The following IMPG2 variants were observed in gnomAD, a reference collection of about 807,000 sequenced individuals.
The protein encoded by IMPG2 is interphotoreceptor matrix proteoglycan 2.
Under a neutral mutation model 129.2 loss-of-function variants are expected in IMPG2, and 91 were observed. That is an observed-to-expected ratio of 0.70 (90% CI 0.59 to 0.84). The LOEUF (loss-of-function observed/expected upper bound fraction) is 0.84, where lower values mean the gene tolerates loss of function less well. Ranked by LOEUF, IMPG2 falls within the 40% of genes least tolerant of loss-of-function variation. IMPG2 has a pLI of 0.00. For missense variants in IMPG2, 1,430 were observed against 1,461.7 expected, an observed-to-expected ratio of 0.98 and a Z score of 0.35; for synonymous variants, 510 against 517.7, an observed-to-expected ratio of 0.99 and a Z score of 0.20.
In IMPG2 at chr3:101,247,564, T is replaced by C. The variant is rs1277267824; in HGVS notation, c.1240-1459A>G. Among the ~76,000 whole-genome samples, 2 of 151,650 alleles carry C rather than the reference T, an allele frequency of 1.3e-5. 1 individual carries two copies. Among genetic ancestry groups the C allele is most frequent in the Non-Finnish European group, 2.9e-5 (2 of 67,974 alleles). ...GTGAGCCAAGATTGTGCCATTGTACTCCAGCCTGGGCAACAAGAGCAAAAC... is the reference window on the plus strand; with the variant it reads ...GTGAGCCAAGATTGTGCCATTGTACCCCAGCCTGGGCAACAAGAGCAAAAC... On this transcript the variant is annotated intron_variant, in intron 11 of 18. Coordinates refer to ENST00000193391, the MANE Select transcript of IMPG2 (RefSeq NM_016247.4).
At chr3:101,281,036 C>A (rs567817259) in intron 4 of IMPG2, among the ~76,000 whole-genome samples, 4 of 152,264 alleles carry the variant, frequency 2.6e-5, no homozygotes, top group African/African-American at 9.6e-5. Flanking sequence ...TTGAGACACA[C>A]ACACACACAA....
intron 9 of IMPG2, among the ~76,000 whole-genome samples, chr3:101,267,310 G>A (rs1706730401): frequency 6.6e-6 from 1 of 152,128 alleles, no homozygotes; most frequent in African/African-American, 2.4e-5. Flanking sequence ...TTGCAACAGA[G>A]ACTATATGGC....
chr3:101,269,194 G>A (rs897974998), intron 8 of IMPG2, among the ~76,000 whole-genome samples: 2 of 52,808 alleles, frequency 3.8e-5, no homozygotes, highest in Middle Eastern at 7.9e-3. Context: ...AAACACTGGG[G>A]CCACATCTCG....
At chr3:101,308,553 C>A (rs1707228588) in intron 2 of IMPG2, among the ~76,000 whole-genome samples, 1 of 152,236 alleles carries the variant, frequency 6.6e-6, no homozygotes, top group African/African-American at 2.4e-5. Flanking sequence ...GCACACAGGG[C>A]ACCAACTCCA....
rs776500333 is a variant in IMPG2, at chr3:101,246,000, G to C, written c.1345C>G (p.Leu449Val). The C allele has an allele frequency of 6.2e-7, 1 of 1,614,140 alleles. No individual in the cohort carries two copies. Among genetic ancestry groups the C allele is most frequent in the Non-Finnish European group, 8.5e-7 (1 of 1,180,008 alleles). Residue 449 changes from leucine to valine, a missense_variant, in exon 12 of 19, where the codon CTC becomes GTC. Leu to Val is a conservative substitution (Grantham distance 32). Transcript: ENST00000193391. ...SGPPSATGRE[L>V]WSESPLGDLV... Reference sequence around the variant, plus strand: ...TCACCCAAAGGACTTTCTGACCAGAGTTCCCTGCCAGTGGCTGAGGGAGGA... The same window carrying C: ...TCACCCAAAGGACTTTCTGACCAGACTTCCCTGCCAGTGGCTGAGGGAGGA...
chr3:101,269,933 T>TC (rs1244571571), intron 7 of IMPG2, among the ~76,000 whole-genome samples: 1 of 140,536 alleles, frequency 7.1e-6, no homozygotes, highest in African/African-American at 2.8e-5. Context: ...ATTCTTTTTT[T>TC]TTTTTTTTTT....
rs148404843 is a variant in IMPG2, at chr3:101,274,309, G to T, written c.667-567C>A. ...GTCTAATTAGTAGAATAAAAAGAAAGAACAAAAATACTGAAAAGCAGCATA... is the reference window on the plus strand; with the variant it reads ...GTCTAATTAGTAGAATAAAAAGAAATAACAAAAATACTGAAAAGCAGCATA... On this transcript the variant is annotated intron_variant, in intron 6 of 18. Transcript: ENST00000193391. Among the ~76,000 whole-genome samples the T allele has an allele frequency of 3.6e-3, 549 of 152,094 alleles. 9 individuals are homozygous for T. The highest frequency in any genetic ancestry group is 0.018 in the South Asian group (85 of 4,818).
Position 101,242,874 on chromosome 3 carries a change from A to T in IMPG2, c.2836T>A (p.Phe946Ile). The T allele has an allele frequency of 6.2e-7, 1 of 1,613,940 alleles. No individual in the cohort carries two copies. The highest frequency in any genetic ancestry group is 8.5e-7 in the Non-Finnish European group (1 of 1,179,930). ...VPYLQSNLTGFQNLEILNFRN... is the reference protein window; with the variant it reads ...VPYLQSNLTGIQNLEILNFRN... ...AAGTTGAGGATTTCTAAGTTCTGGA[A>T]CCCCGTGAGATTTGACTGGAGATAG... is the stretch of plus-strand genomic sequence containing the variant. The change falls in exon 14 of 19, where the codon TTC becomes ATC. Residue 946 changes from phenylalanine (F) to isoleucine (I), a missense_variant. Physicochemically the swap from Phe to Ile is conservative, Grantham distance 21. Transcript: ENST00000193391.
chr3:101,223,601 A>G lies in IMPG2; in HGVS notation c.*3368T>C, dbSNP rs548531649. 1 of 152,364 alleles carries G rather than the reference A, an allele frequency of 6.6e-6. No homozygotes were observed. Among genetic ancestry groups the G allele is most frequent in the African/African-American group, 2.4e-5 (1 of 41,602 alleles). The allele number at this position is 152,364 out of a possible 1,614,324, so 9.4% of individuals were successfully genotyped here. On this transcript the variant is annotated 3_prime_UTR_variant, in exon 19 of 19. Coordinates refer to ENST00000193391, the MANE Select transcript of IMPG2 (RefSeq NM_016247.4). ...ATACAAATGAATAATTAGTTCAGGT[A>G]TCATACTTCAGCCAACCTACTTTTA...
chr3:101,292,279 G>T lies in IMPG2; in HGVS notation c.502-769C>A, dbSNP rs76158180. Among the ~76,000 whole-genome samples, 412 of 152,232 alleles carry T rather than the reference G, an allele frequency of 2.7e-3. 16 individuals carry two copies. The East Asian group carries it at 0.077, about 28-fold the overall frequency. ...CCAGAATAATCTCAGCCACTCTCAT[G>T]GTTTCAGTTACAGGCATACCTCTGA... On this transcript the variant is annotated intron_variant, in intron 3 of 18. Transcript: ENST00000193391.
intron 3 of IMPG2, among the ~76,000 whole-genome samples, chr3:101,295,624 C>A (rs1239928387): frequency 6.6e-6 from 1 of 152,072 alleles, no homozygotes; most frequent in Non-Finnish European, 1.5e-5. Context: ...ATGGGAAGAG[C>A]ATTGAGTCTA....
At chr3:101,230,868 C>T in intron 16 of IMPG2, 89 bp downstream of exon 16, 1 of 1,178,618 alleles carries the variant, frequency 8.5e-7, no homozygotes, top group South Asian at 1.2e-5. Context: ...CCAGCCAGCT[C>T]CTTGTCCAAT....
chr3:101,246,635 C>T (rs1706481355), intron 11 of IMPG2, among the ~76,000 whole-genome samples: 1 of 152,134 alleles, frequency 6.6e-6, no homozygotes, highest in African/African-American at 2.4e-5. Flanking sequence ...AATAGCCACT[C>T]CTGTGAAATG....
chr3:101,232,575 C>T (rs554411171), intron 15 of IMPG2, among the ~76,000 whole-genome samples: 2 of 151,922 alleles, frequency 1.3e-5, no homozygotes, highest in East Asian at 3.9e-4. Context: ...TTTGCAGTTC[C>T]CTAACAGCAT....
intron 15 of IMPG2, among the ~76,000 whole-genome samples, chr3:101,232,272 T>G (rs1706296361): frequency 6.6e-6 from 1 of 151,978 alleles, no homozygotes; most frequent in African/African-American, 2.4e-5. Flanking sequence ...AGTTTCAATC[T>G]TGTTGCCCAG....
At chr3:101,307,446 G>T (rs1216896562) in intron 2 of IMPG2, among the ~76,000 whole-genome samples, 2 of 152,160 alleles carry the variant, frequency 1.3e-5, no homozygotes, top group Non-Finnish European at 2.9e-5. Flanking sequence ...GTTCCACATG[G>T]GTGGGGAGGC....
At chr3:101,288,802 T>A (rs1706973604) in intron 4 of IMPG2, among the ~76,000 whole-genome samples, 1 of 152,156 alleles carries the variant, frequency 6.6e-6, no homozygotes, top group African/African-American at 2.4e-5. Context: ...ATCCTTAATA[T>A]CTAAAATAAC....
chr3:101,260,822 T>A (rs550023551), intron 9 of IMPG2, among the ~76,000 whole-genome samples: 1 of 152,304 alleles, frequency 6.6e-6, no homozygotes, highest in African/African-American at 2.4e-5. Flanking sequence ...ACAGGCACAA[T>A]TACTTTTTGG....
chr3:101,226,945 T>A lies in IMPG2; in HGVS notation c.*24A>T. The A allele has an allele frequency of 3.6e-5, 58 of 1,611,120 alleles. No individual in the cohort carries two copies. The highest frequency in any genetic ancestry group is 4.8e-5 in the Non-Finnish European group (56 of 1,177,422). On this transcript the variant is annotated 3_prime_UTR_variant, in exon 19 of 19. Coordinates refer to ENST00000193391, the MANE Select transcript of IMPG2 (RefSeq NM_016247.4). ...ATCTCCATCTTCTCCAGGCTTCTAATCAGTTTCAGAACAGGAGTTTTGGTT... is the reference window on the plus strand; with the variant it reads ...ATCTCCATCTTCTCCAGGCTTCTAAACAGTTTCAGAACAGGAGTTTTGGTT...
Sources: gnomAD v4.1 joint callset for allele counts (sites outside exome capture counted in the v4.1 genomes callset) on GRCh38, gnomAD v4.1.1 for gene constraint, MANE v1.5 for transcripts, NCBI Gene and HGNC (gene_info 2026-07-23, HGNC 2026-07-21) for gene names.